KCNN1: variants seen among roughly 807,000 people sequenced by gnomAD.
KCNN1 encodes the protein small conductance calcium-activated potassium channel protein 1.
In KCNN1, 20 loss-of-function variants were observed where a neutral mutation model predicts 44.7. The ratio of observed to expected loss-of-function variants is 0.45; its 90% confidence interval spans 0.32 to 0.65. KCNN1 has a LOEUF of 0.65. KCNN1 is among the 30% of genes least tolerant of loss of function. The pLI is 0.05. For missense variants in KCNN1, 632 were observed against 785.3 expected, an observed-to-expected ratio of 0.80 and a Z score of 2.33; for synonymous variants, 324 against 341.7, an observed-to-expected ratio of 0.95 and a Z score of 0.57.
chr19:17,981,004 G>A (rs967669174), intron 3 of KCNN1, among the ~76,000 whole-genome samples: 3 of 152,114 alleles, frequency 2.0e-5, no homozygotes, highest in African/African-American at 7.2e-5. Context: ...ATCACTTGAA[G>A]TCAGGAGTTT....
intron 9 of KCNN1, among the ~76,000 whole-genome samples, chr19:17,996,167 A>AG (rs71164339): frequency 1.4e-4 from 6 of 43,088 alleles, no homozygotes; most frequent in Non-Finnish European, 1.0e-4. Context: ...CCATTGCTAC[A>AG]AAAAAAAAAA....
chr19:17,995,633 TG>T (rs2032961677), intron 9 of KCNN1, among the ~76,000 whole-genome samples: 1 of 152,220 alleles, frequency 6.6e-6, no homozygotes, highest in Non-Finnish European at 1.5e-5. Context: ...TTGCCCAGGC[TG>T]GAGTGCAGAG....
intron 1 of KCNN1, among the ~76,000 whole-genome samples, chr19:17,973,442 G>A (rs988560905): frequency 3.3e-5 from 5 of 152,192 alleles, no homozygotes; most frequent in Non-Finnish European, 7.3e-5. Context: ...CACTACGCCT[G>A]GCTAATTTTT....
rs1032249665 is a variant in KCNN1, at chr19:17,998,482, C to T, written c.*76C>T. On this transcript the variant is annotated 3_prime_UTR_variant, in exon 10 of 10. Coordinates refer to ENST00000684775, the MANE Select transcript of KCNN1 (RefSeq NM_001386974.1). This position sits in a 1 kb window ranked among gnomAD's most constrained non-coding sequence, Gnocchi z 5.4. ...ACCTCCGGGAAGCCTTGTACAGTGGCGCCTCTTGGAGTTCAAGAAGCCAAC... is the reference window on the plus strand; with the variant it reads ...ACCTCCGGGAAGCCTTGTACAGTGGTGCCTCTTGGAGTTCAAGAAGCCAAC... 5.2e-6 allele frequency: 7 copies of T among 1,358,886 alleles called. No individual in the cohort carries two copies. The highest frequency in any genetic ancestry group is 1.5e-5 in the South Asian group (1 of 65,714). 84.2% of individuals were successfully genotyped at this position (1,358,886 alleles called of 1,614,324 possible).
intron 1 of KCNN1, among the ~76,000 whole-genome samples, chr19:17,970,289 ATTTTTTTTTTTTTTTTTTTTTT>A (rs71164333): frequency 1.0e-3 from 57 of 56,924 alleles, no homozygotes; most frequent in South Asian, 3.3e-3. Context: ...AGAAGGAATG[ATTTTTTTTTTTTTTTTTTTTTT>A]TTTTTTTTTT....
In KCNN1 at chr19:17,974,397, T is replaced by C. The variant is rs1599357660; in HGVS notation, c.402+107T>C. 7.8e-7 allele frequency: 1 copy of C among 1,289,350 alleles called. No homozygotes were observed. The highest frequency in any genetic ancestry group is 2.6e-5 in the East Asian group (1 of 38,432). 79.9% of individuals were successfully genotyped at this position (1,289,350 alleles called of 1,614,324 possible). ...AGGGCCCCCCGGGAGATAGGGAGTG[T>C]TAGGGGGCTCCCGGAGGTGAGGGCT... On this transcript the variant is annotated intron_variant, in intron 2 of 9. Coordinates refer to ENST00000684775, the MANE Select transcript of KCNN1 (RefSeq NM_001386974.1). This position sits in a 1 kb window ranked among gnomAD's most constrained non-coding sequence, Gnocchi z 7.3.
In KCNN1 at chr19:17,974,501, C is replaced by G. The variant is rs1470094327; in HGVS notation, c.402+211C>G. 6.6e-6 allele frequency among the ~76,000 whole-genome samples: 1 copy of G among 152,154 alleles called. No individual in the cohort carries two copies. Among genetic ancestry groups the G allele is most frequent in the East Asian group, 1.9e-4 (1 of 5,174 alleles). On this transcript the variant is annotated intron_variant, in intron 2 of 9. Transcript: ENST00000684775. The surrounding 1 kb of genome is among the most constrained non-coding windows in gnomAD (Gnocchi z 7.3). ...GAGAAGGAAGGTTCCAGCCCATTCC[C>G]TGGCCAGGTGTCAAGGGGCTGCACC... is the stretch of plus-strand genomic sequence containing the variant.
In KCNN1 at chr19:17,981,338, G is replaced by A. The variant is rs1445900334; in HGVS notation, c.499-371G>A. On this transcript the variant is annotated intron_variant, in intron 3 of 9. Coordinates refer to ENST00000684775, the MANE Select transcript of KCNN1 (RefSeq NM_001386974.1). ...AGGCCGAGGTGGGCAGATCACCTGA[G>A]GTCAGGAATTCGAGACTAGCCTGGC... Among the ~76,000 whole-genome samples the A allele has an allele frequency of 2.7e-5, 4 of 148,668 alleles. No homozygotes were observed. In the Admixed American group the frequency reaches 2.7e-4, roughly 10 times the overall value.
In KCNN1 at chr19:17,967,302, G is replaced by T; in HGVS notation, c.-97G>T. The T allele has an allele frequency of 1.0e-6, 1 of 985,448 alleles. No individual in the cohort carries two copies. The allele number at this position is 985,448 out of a possible 1,614,324, so 61.0% of individuals were successfully genotyped here. A position where few individuals can be genotyped will look rare whatever the true frequency, so the allele number is the denominator to read the frequency against. On this transcript the variant is annotated 5_prime_UTR_variant, in exon 1 of 10. Transcript: ENST00000684775. ...CCCCTCCAGCCTTGTCCGCCCGCTC[G>T]GGCCGAGCCCCGCAGGTACAGGGTG... is the stretch of plus-strand genomic sequence containing the variant.
chr19:17,959,547 C>T (rs1052324807), intron 2 of KCNN1, among the ~76,000 whole-genome samples: 5 of 151,986 alleles, frequency 3.3e-5, no homozygotes, highest in African/African-American at 4.8e-5. Flanking sequence ...TGAGCCACCG[C>T]ACCCGGTTAT....
chr19:17,997,605 G>A (rs1438094531), intron 9 of KCNN1, among the ~76,000 whole-genome samples: 2 of 151,350 alleles, frequency 1.3e-5, no homozygotes, highest in East Asian at 1.9e-4. Flanking sequence ...CATCCCCCCC[G>A]AGTAGCGGGG....
chr19:17,994,771 T>C (rs1245594344), intron 9 of KCNN1, among the ~76,000 whole-genome samples: 1 of 152,232 alleles, frequency 6.6e-6, no homozygotes, highest in Admixed American at 6.5e-5. Flanking sequence ...CTCGAACTCC[T>C]GACCTTAAGT....
chr19:17,990,040 C>T (rs752300667), intron 7 of KCNN1, 197 bp downstream of exon 7: 13 of 730,438 alleles, frequency 1.8e-5, no homozygotes, highest in Non-Finnish European at 2.7e-5. Flanking sequence ...ATCATGGACA[C>T]GACTCAGTAA....
chr19:17,977,718 C>T (rs760244409), intron 3 of KCNN1, among the ~76,000 whole-genome samples: 1 of 152,048 alleles, frequency 6.6e-6, no homozygotes, highest in Non-Finnish European at 1.5e-5. Flanking sequence ...GAGATGACCT[C>T]TATAAAGACC....
At position 17,993,195 on chromosome 19, in the gene KCNN1, C is replaced by T. The variant is rs953487000; in HGVS notation, c.1307+133C>T. On this transcript the variant is annotated intron_variant, in intron 8 of 9. Transcript: ENST00000684775. The surrounding 1 kb of genome is among the most constrained non-coding windows in gnomAD (Gnocchi z 4.5). Reference sequence around the variant, plus strand: ...AGGGTTCACATCTGCCCCATGGATCCGTGCAGGCTTCACCTTGGTCTGGGA... The same window carrying T: ...AGGGTTCACATCTGCCCCATGGATCTGTGCAGGCTTCACCTTGGTCTGGGA... 1.9e-5 allele frequency: 21 copies of T among 1,095,230 alleles called. No homozygotes were observed. The highest frequency in any genetic ancestry group is 1.8e-4 in the South Asian group (13 of 72,924). The allele number at this position is 1,095,230 out of a possible 1,614,324, so 67.8% of individuals were successfully genotyped here. A position where few individuals can be genotyped will look rare whatever the true frequency, so the allele number is the denominator to read the frequency against.
chr19:17,992,985 A>G (rs1204078449), intron 7 of KCNN1, 69 bp from the exon 8 acceptor site: 1 of 1,597,598 alleles, frequency 6.3e-7, no homozygotes. Context: ...GGTTGGGTAC[A>G]TGCCGAACAA....
At chr19:17,958,520 C>T (rs1237541499) in intron 2 of KCNN1, among the ~76,000 whole-genome samples, 2 of 139,050 alleles carry the variant, frequency 1.4e-5, no homozygotes, top group African/African-American at 5.3e-5. Context: ...GGGTCTCACT[C>T]TGTCATCCAG....
intron 1 of KCNN1, chr19:17,952,481 A>C (rs1284166426): frequency 1.3e-5 from 2 of 151,802 alleles, no homozygotes; most frequent in Admixed American, 6.6e-5. Flanking sequence ...CCCTTCTTCA[A>C]CCCCCGCCTC....
Position 17,999,415 on chromosome 19 carries a change from TGTG to T in KCNN1, c.*1016_*1018del, listed in dbSNP as rs1253273285. 1 of 152,602 alleles carries T rather than the reference TGTG, an allele frequency of 6.6e-6. No homozygotes were observed. The highest frequency in any genetic ancestry group is 2.4e-5 in the African/African-American group (1 of 41,336). 9.5% of individuals were successfully genotyped at this position (152,602 alleles called of 1,614,324 possible). On this transcript the variant is annotated 3_prime_UTR_variant, in exon 10 of 10. Coordinates refer to ENST00000684775, the MANE Select transcript of KCNN1 (RefSeq NM_001386974.1). Reference sequence around the variant, plus strand: ...ACTAAAAATATAAAAATTAGCTGGGTGTGGTGGTGCACGCCTGTAATCCCAGCT... The same window carrying T: ...ACTAAAAATATAAAAATTAGCTGGGTGTGGTGCACGCCTGTAATCCCAGCT...
Sources: gnomAD v4.1 joint callset for allele counts (sites outside exome capture counted in the v4.1 genomes callset) on GRCh38, gnomAD v4.1.1 for gene constraint, Gnocchi (gnomAD v3.1) non-coding constraint, MANE v1.5 for transcripts, NCBI Gene and HGNC (gene_info 2026-07-23, HGNC 2026-07-21) for gene names.